SIPA1L1: variants seen among roughly 807,000 people sequenced by gnomAD.
SIPA1L1 encodes signal-induced proliferation-associated 1-like protein 1.
In SIPA1L1, 26 loss-of-function variants were observed where a neutral mutation model predicts 162.7. That is an observed-to-expected ratio of 0.16 (90% CI 0.12 to 0.22). The LOEUF (loss-of-function observed/expected upper bound fraction) is 0.22. SIPA1L1 is among the 10% of genes least tolerant of loss of function. The pLI is 1.00. For synonymous variants in SIPA1L1, 829 were observed against 837.4 expected (o/e 0.99, Z 0.17); for missense variants, 1,874 against 2,241.0 (o/e 0.84, Z 3.31).
chr14:71,669,373 T>C (rs964041281), intron 10 of SIPA1L1, among the ~76,000 whole-genome samples: 1 of 152,234 alleles, frequency 6.6e-6, no homozygotes, highest in Non-Finnish European at 1.5e-5. Flanking sequence ...CACCCCCTGC[T>C]AAACATTTTG....
At chr14:71,524,354 G>A (rs899643681) in intron 3 of SIPA1L1, among the ~76,000 whole-genome samples, 8 of 152,136 alleles carry the variant, frequency 5.3e-5, no homozygotes, top group African/African-American at 1.9e-4. Flanking sequence ...ATGCAGTTTA[G>A]TTGTTACTGT....
intron 7 of SIPA1L1, among the ~76,000 whole-genome samples, chr14:71,626,273 A>G (rs1443151927): frequency 2.6e-5 from 4 of 152,218 alleles, no homozygotes; most frequent in African/African-American, 7.2e-5. Flanking sequence ...CAACAGGAGT[A>G]TTACTATTAG....
At chr14:71,722,349 A>C (rs913383803) in intron 17 of SIPA1L1, among the ~76,000 whole-genome samples, 3 of 152,214 alleles carry the variant, frequency 2.0e-5, no homozygotes, top group Non-Finnish European at 2.9e-5. Flanking sequence ...GTCAATATTG[A>C]TACAGTATTA....
In SIPA1L1 at chr14:71,589,046, C is replaced by G. The variant is rs772824294; in HGVS notation, c.1174C>G (p.Leu392Val). The G allele has an allele frequency of 6.2e-7, 1 of 1,614,076 alleles. No homozygotes were observed. The highest frequency in any genetic ancestry group is 8.5e-7 in the Non-Finnish European group (1 of 1,179,994). ...FSSPMGSTED[L>V]NSKGSLSMDQ... ...CTCCCCAATGGGCAGCACAGAGGAC[C>G]TGAATTCCAAAGGAAGCCTCAGCAT... is the stretch of plus-strand genomic sequence containing the variant. Residue 392 changes from leucine to valine, a missense_variant, in exon 5 of 24, where the codon CTG becomes GTG. Leu to Val is a conservative substitution (Grantham distance 32, BLOSUM62 1). Around this residue, in one of 5 missense-constraint regions of SIPA1L1, gnomAD observed 685 missense variants for 828.0 expected, o/e 0.83. Transcript: ENST00000381232.
intron 2 of SIPA1L1, among the ~76,000 whole-genome samples, chr14:71,482,995 G>A (rs746547626): frequency 4.6e-5 from 7 of 152,100 alleles, no homozygotes; most frequent in Admixed American, 2.0e-4. Flanking sequence ...TCTTTTTTAC[G>A]AACAATTTCA....
At chr14:71,590,859 G>A (rs1272753433) in intron 5 of SIPA1L1, among the ~76,000 whole-genome samples, 2 of 152,178 alleles carry the variant, frequency 1.3e-5, no homozygotes, top group African/African-American at 4.8e-5. Context: ...ATTGTAGGAT[G>A]TAGGATGCTT....
intron 4 of SIPA1L1, among the ~76,000 whole-genome samples, chr14:71,566,318 A>G (rs1020714589): frequency 6.6e-6 from 1 of 152,240 alleles, no homozygotes; most frequent in Non-Finnish European, 1.5e-5. Flanking sequence ...CTGAGTGGGA[A>G]GTCTCAATAT....
chr14:71,490,372 A>G (rs1263652320), intron 2 of SIPA1L1, among the ~76,000 whole-genome samples: 5 of 152,210 alleles, frequency 3.3e-5, no homozygotes, highest in African/African-American at 9.6e-5. Flanking sequence ...CTTGAGGCTG[A>G]TGATACCTTT....
intron 2 of SIPA1L1, among the ~76,000 whole-genome samples, chr14:71,461,238 A>C (rs538607275): frequency 6.6e-6 from 1 of 152,258 alleles, no homozygotes; most frequent in East Asian, 1.9e-4. Flanking sequence ...CACCCCGAGG[A>C]ATGGTGCCAT....
intron 23 of SIPA1L1, 31 bp from the exon 24 acceptor site, chr14:71,738,987 C>T (rs1306203719): frequency 6.2e-6 from 10 of 1,606,550 alleles, no homozygotes; most frequent in Admixed American, 1.7e-5. Context: ...GCCAACACCT[C>T]TTAGCTTTTC....
chr14:71,505,931 A>C (rs904665466), intron 2 of SIPA1L1, among the ~76,000 whole-genome samples: 8 of 151,958 alleles, frequency 5.3e-5, no homozygotes, highest in African/African-American at 1.7e-4. Flanking sequence ...TCCCATCCTT[A>C]AGATATCTCA....
At chr14:71,329,457 T>C (rs889215511) in intron 2 of SIPA1L1, among the ~76,000 whole-genome samples, 1 of 151,932 alleles carries the variant, frequency 6.6e-6, no homozygotes, top group African/African-American at 2.4e-5. Flanking sequence ...AAAAAATTTT[T>C]CGAGACAGGG....
At chr14:71,365,230 T>C (rs2038176182) in intron 2 of SIPA1L1, among the ~76,000 whole-genome samples, 1 of 150,732 alleles carries the variant, frequency 6.6e-6, no homozygotes, top group Non-Finnish European at 1.5e-5. Flanking sequence ...CACAGGCTAG[T>C]CTTGAACTCC....
intron 19 of SIPA1L1, among the ~76,000 whole-genome samples, chr14:71,726,157 A>G (rs2084224852): frequency 6.6e-6 from 1 of 152,180 alleles, no homozygotes; most frequent in South Asian, 2.1e-4. Flanking sequence ...GAAATAAATG[A>G]TTTGTTAACA....
chr14:71,536,943 G>C (rs535978172), intron 4 of SIPA1L1, among the ~76,000 whole-genome samples: 12 of 152,214 alleles, frequency 7.9e-5, no homozygotes, highest in African/African-American at 2.9e-4. Flanking sequence ...TTTCTTTCTT[G>C]CCTGTTTTTC....
Position 71,723,716 on chromosome 14 carries a change from G to A in SIPA1L1, c.4278G>A (p.Glu1426=), listed in dbSNP as rs1178161266. Residue 1426 remains glutamate (E), a synonymous_variant, in exon 18 of 24, where the codon GAG becomes GAA. Transcript: ENST00000381232. ...FTSARSSPKE[E]LHPAAPSQLA... Reference sequence around the variant, plus strand: ...GTGCCCGGAGTTCACCTAAAGAAGAGCTTCATCCAGCTGCCCCCTCACAGC... The same window carrying A: ...GTGCCCGGAGTTCACCTAAAGAAGAACTTCATCCAGCTGCCCCCTCACAGC... 6.2e-6 allele frequency: 10 copies of A among 1,614,156 alleles called. No homozygotes were observed. The East Asian group carries it at 2.0e-4, about 32-fold the overall frequency.
intron 2 of SIPA1L1, among the ~76,000 whole-genome samples, chr14:71,453,357 G>A (rs533696769): frequency 3.7e-4 from 56 of 152,102 alleles, no homozygotes; most frequent in African/African-American, 1.2e-3. Flanking sequence ...TTGACCTCCC[G>A]GGCTCGAGCA....
In SIPA1L1 at chr14:71,733,673, C is replaced by T. The variant is rs756961389; in HGVS notation, c.4869C>T (p.Phe1623=). The T allele has an allele frequency of 1.2e-6, 2 of 1,613,732 alleles. No homozygotes were observed. The highest frequency in any genetic ancestry group is 1.3e-5 in the African/African-American group (1 of 75,056). Residue 1623 remains phenylalanine, a synonymous_variant, in exon 21 of 24, where the codon TTC becomes TTT. Coordinates refer to ENST00000381232, the MANE Select transcript of SIPA1L1 (RefSeq NM_001386936.1). ...TLGMKSLHGE[F]SASDSSLTDI... is the part of the protein sequence containing the mutation. ...CCTCCTCCCTTCCCGCAGGAGAGTT[C>T]TCAGCCTCGGACAGCTCCCTCACTG... is the stretch of plus-strand genomic sequence containing the variant.
intron 21 of SIPA1L1, among the ~76,000 whole-genome samples, chr14:71,734,044 C>A (rs150150591): frequency 6.6e-6 from 1 of 152,226 alleles, no homozygotes; most frequent in Admixed American, 6.5e-5. Context: ...ATGAATGCCT[C>A]GCCTCCTCCG....
Sources: allele counts gnomAD v4.1 joint callset (sites outside exome capture counted in the v4.1 genomes callset), GRCh38; gene constraint gnomAD v4.1.1; regional missense constraint gnomAD v4.1.1; transcripts MANE v1.5; gene names NCBI Gene and HGNC (gene_info 2026-07-23, HGNC 2026-07-21).